The following GDAP1 variants were observed in gnomAD, a reference collection of about 807,000 sequenced individuals.
GDAP1 encodes ganglioside-induced differentiation-associated protein 1.
Under a neutral mutation model 40.1 loss-of-function variants are expected in GDAP1, and 34 were observed. The ratio of observed to expected loss-of-function variants is 0.85; its 90% CI spans 0.64 to 1.13. The LOEUF (loss-of-function observed/expected upper bound fraction) is 1.13. Ranked by LOEUF, GDAP1 falls within the 50% of genes most tolerant of loss-of-function variation. GDAP1 has a pLI of 0.00. For missense variants in GDAP1, 374 were observed against 433.7 expected (o/e 0.86, Z 1.22); for synonymous variants, 170 against 157.4 (o/e 1.08, Z -0.60).
At chr8:74,475,064 A>T (rs1323594718) in intron 2 of GDAP1, among the ~76,000 whole-genome samples, 1 of 152,146 alleles carries the variant, frequency 6.6e-6, no homozygotes, top group African/African-American at 2.4e-5. Context: ...GTTTGTGTGC[A>T]TAGAGGTGTT....
chr8:74,430,377 A>C (rs1376782125), intron 2 of GDAP1, among the ~76,000 whole-genome samples: 1 of 152,218 alleles, frequency 6.6e-6, no homozygotes, highest in Non-Finnish European at 1.5e-5. Context: ...TAAGACTAGA[A>C]CCAACTCCAA....
At chr8:74,465,722 T>A (rs183821945) in intron 2 of GDAP1, among the ~76,000 whole-genome samples, 53 of 152,094 alleles carry the variant, frequency 3.5e-4, no homozygotes, top group Middle Eastern at 3.4e-3. Context: ...TGCTTGTCAG[T>A]CACTCTTCCC....
At chr8:74,444,978 T>G (rs1806209957) in intron 2 of GDAP1, among the ~76,000 whole-genome samples, 1 of 152,188 alleles carries the variant, frequency 6.6e-6, no homozygotes, top group Non-Finnish European at 1.5e-5. Flanking sequence ...GGGTTCAGGA[T>G]TTTCCAGAGA....
chr8:74,396,036 A>AT (rs894254079), intron 2 of GDAP1, among the ~76,000 whole-genome samples: 1 of 152,048 alleles, frequency 6.6e-6, no homozygotes, highest in Non-Finnish European at 1.5e-5. Context: ...GGACAGAAAC[A>AT]TTTTTTCCCA....
At position 74,411,544 on chromosome 8, in the gene GDAP1, T is replaced by TAC. The variant is rs924974391; in HGVS notation, c.165+60229_165+60230dup. 9.5e-5 allele frequency among the ~76,000 whole-genome samples: 13 copies of TAC among 137,452 alleles called. 1 individual carries two copies. The highest frequency in any genetic ancestry group is 1.4e-4 in the Non-Finnish European group (9 of 63,438). 90.2% of individuals were successfully genotyped at this position (137,452 alleles called of 152,430 possible). A position where few individuals can be genotyped will look rare whatever the true frequency, so the allele number is the denominator to read the frequency against. On this transcript the variant is annotated intron_variant, in intron 2 of 2. Transcript: ENST00000523640. ...AAGCAAATATATATATATATATATA[T>TAC]ACACACAACAATAAATAAAGAGTAT... is the stretch of plus-strand genomic sequence containing the variant.
chr8:74,377,448 A>G (rs1408309285), intron 2 of GDAP1, among the ~76,000 whole-genome samples: 1 of 152,218 alleles, frequency 6.6e-6, no homozygotes, highest in Non-Finnish European at 1.5e-5. Flanking sequence ...AATGCTCAAC[A>G]TTGTTATTCA....
At chr8:74,426,324 T>C (rs1426140844) in intron 2 of GDAP1, among the ~76,000 whole-genome samples, 6 of 152,232 alleles carry the variant, frequency 3.9e-5, no homozygotes. Flanking sequence ...TGCAGACTAA[T>C]CTTTTACCAG....
At chr8:74,455,014 CAATGCCAGTCTGTTGACT>C (rs1184857676) in intron 2 of GDAP1, among the ~76,000 whole-genome samples, 1 of 151,992 alleles carries the variant, frequency 6.6e-6, no homozygotes, top group East Asian at 1.9e-4. Context: ...AGTGGTTCCA[CAATGCCAGTCTGTTGACT>C]AATACAAATC....
chr8:74,440,158 T>C (rs183830266), intron 2 of GDAP1, among the ~76,000 whole-genome samples: 16 of 152,326 alleles, frequency 1.1e-4, no homozygotes, highest in Middle Eastern at 3.4e-3. Flanking sequence ...CATTTTCCAC[T>C]AGAGAAATTT....
intron 2 of GDAP1, among the ~76,000 whole-genome samples, chr8:74,439,938 G>A (rs144297846): frequency 0.011 from 1,684 of 151,922 alleles, 11 homozygotes; most frequent in South Asian, 0.02. Context: ...TATCTTGTAA[G>A]TGACATTATT....
At chr8:74,353,746 C>T (rs1808980498) in intron 2 of GDAP1, among the ~76,000 whole-genome samples, 1 of 152,148 alleles carries the variant, frequency 6.6e-6, no homozygotes, top group Non-Finnish European at 1.5e-5. Context: ...TTAACAAGAG[C>T]CCCATGTGAT....
At chr8:74,386,049 T>C (rs546325966) in intron 2 of GDAP1, among the ~76,000 whole-genome samples, 1 of 152,328 alleles carries the variant, frequency 6.6e-6, no homozygotes, top group South Asian at 2.1e-4. Context: ...TGTGTTTTTC[T>C]TGTAAATTTG....
At chr8:74,390,853 G>A (rs1810097903) in intron 2 of GDAP1, among the ~76,000 whole-genome samples, 1 of 152,214 alleles carries the variant, frequency 6.6e-6, no homozygotes, top group South Asian at 2.1e-4. Flanking sequence ...TACTGGGGCT[G>A]CTGCCTTTCT....
chr8:74,377,586 A>G (rs1296935442), intron 2 of GDAP1, among the ~76,000 whole-genome samples: 1 of 152,232 alleles, frequency 6.6e-6, no homozygotes, highest in East Asian at 1.9e-4. Flanking sequence ...ACTACTTTAT[A>G]TCTACTAGAC....
At chr8:74,391,339 C>T (rs565402490) in intron 2 of GDAP1, among the ~76,000 whole-genome samples, 4 of 152,154 alleles carry the variant, frequency 2.6e-5, no homozygotes, top group Admixed American at 6.5e-5. Context: ...TCTTCATCTG[C>T]GGGTTGCAAA....
At chr8:74,377,588 C>A (rs550969499) in intron 2 of GDAP1, among the ~76,000 whole-genome samples, 1 of 152,174 alleles carries the variant, frequency 6.6e-6, no homozygotes, top group African/African-American at 2.4e-5. Context: ...TACTTTATAT[C>A]TACTAGACTG....
chr8:74,468,989 T>C (rs1806509432), intron 2 of GDAP1, among the ~76,000 whole-genome samples: 1 of 152,180 alleles, frequency 6.6e-6, no homozygotes, highest in Non-Finnish European at 1.5e-5. Flanking sequence ...ATTTTGAATT[T>C]TGTCTTTTTA....
intron 2 of GDAP1, among the ~76,000 whole-genome samples, chr8:74,393,365 G>A (rs888469517): frequency 1.2e-4 from 19 of 152,052 alleles, no homozygotes; most frequent in African/African-American, 4.4e-4. Context: ...TTCTTTTGCT[G>A]GGTGAGCTCA....
At chr8:74,415,559 G>C (rs918339349) in intron 2 of GDAP1, among the ~76,000 whole-genome samples, 7 of 150,110 alleles carry the variant, frequency 4.7e-5, no homozygotes, top group Non-Finnish European at 1.0e-4. Context: ...GAGTGTGAGT[G>C]GGGGATAAAC....
Sources: gnomAD v4.1 joint callset for allele counts (sites outside exome capture counted in the v4.1 genomes callset) on GRCh38, gnomAD v4.1.1 for gene constraint, MANE v1.5 for transcripts, NCBI Gene and HGNC (gene_info 2026-07-23, HGNC 2026-07-21) for gene names.